Variants in IQGAP2 observed in about 807,000 individuals in gnomAD.
IQGAP2 encodes ras GTPase-activating-like protein IQGAP2.
A neutral mutation model predicts 201.3 loss-of-function variants in IQGAP2; 173 were observed. The observed-to-expected ratio is 0.86, with a 90% CI of 0.76 to 0.98. The LOEUF (loss-of-function observed/expected upper bound fraction) is 0.98. Ranked by LOEUF, IQGAP2 falls within the 50% of genes least tolerant of loss-of-function variation. The probability of loss-of-function intolerance (pLI) is 0.00; values close to 1 mark genes in which losing one functional copy is unlikely to be tolerated. For missense variants in IQGAP2, 1,687 were observed against 1,864.8 expected, an observed-to-expected ratio of 0.90 and a Z score of 1.76; for synonymous variants, 675 against 673.9, an observed-to-expected ratio of 1.00 and a Z score of -0.03.
chr5:76,640,885 C>T, intron 16 of IQGAP2, 48 bp from the exon 17 acceptor site: 2 of 1,359,836 alleles, frequency 1.5e-6, no homozygotes, highest in Non-Finnish European at 2.0e-6. Context: ...CTATGTGTGC[C>T]TTTCAGCTGA....
At chr5:76,609,186 G>A (rs1387464706) in intron 12 of IQGAP2, 20 of 1,535,784 alleles carry the variant, frequency 1.3e-5, no homozygotes, top group East Asian at 2.4e-5. Flanking sequence ...CCAGGTGATC[G>A]GCCTTGGTTC....
chr5:76,606,021 T>C (rs1057069511), intron 11 of IQGAP2, among the ~76,000 whole-genome samples, 158 bp from the exon 12 acceptor site: 1 of 152,224 alleles, frequency 6.6e-6, no homozygotes, highest in African/African-American at 2.4e-5. Flanking sequence ...GTAAGCCTGG[T>C]ATATGTTGAC....
In IQGAP2 at chr5:76,570,350, A is replaced by G. The variant is rs544013415; in HGVS notation, c.304-230A>G. On this transcript the variant is annotated intron_variant, in intron 3 of 35. Transcript: ENST00000274364. ...ACAGTCTTGGAGATTCTAGTTCAGA[A>G]TTTACCTCAAACGTGTGAATTATGG... Among the ~76,000 whole-genome samples, 5 of 152,298 alleles carry G rather than the reference A, an allele frequency of 3.3e-5. 1 individual carries two copies. The highest frequency in any genetic ancestry group is 9.6e-5 in the African/African-American group (4 of 41,560).
At chr5:76,501,883 TCCAC>T (rs1757301863) in intron 2 of IQGAP2, among the ~76,000 whole-genome samples, 2 of 152,030 alleles carry the variant, frequency 1.3e-5, no homozygotes, top group African/African-American at 4.8e-5. Flanking sequence ...CCTCAGGTGA[TCCAC>T]CCACCTCGGC....
chr5:76,460,484 C>T (rs940733892), intron 1 of IQGAP2, among the ~76,000 whole-genome samples: 15 of 151,992 alleles, frequency 9.9e-5, no homozygotes, highest in African/African-American at 2.7e-4. Flanking sequence ...ATAAGGAAGA[C>T]GCTTCTGTTG....
At position 76,677,247 on chromosome 5, in the gene IQGAP2, C is replaced by T. The variant is rs547104275; in HGVS notation, c.3557C>T (p.Pro1186Leu). Reference protein sequence around the residue: ...RKYFKEACNVPEPEEKFNMDK... With the variant: ...RKYFKEACNVLEPEEKFNMDK... ...TATTTCAAAGAAGCATGTAATGTCCCTGAGCCAGAAGAGAAGTTTAATATG... is the reference window on the plus strand; with the variant it reads ...TATTTCAAAGAAGCATGTAATGTCCTTGAGCCAGAAGAGAAGTTTAATATG... The change falls in exon 28 of 36, where the codon CCT becomes CTT. Residue 1186 changes from proline to leucine, a missense_variant. By Grantham distance (98) the Pro-to-Leu change is moderately conservative. Transcript: ENST00000274364. The T allele has an allele frequency of 1.9e-6, 3 of 1,613,490 alleles. No homozygotes were observed. The highest frequency in any genetic ancestry group is 3.3e-5 in the Admixed American group (2 of 59,984).
At chr5:76,540,033 A>G (rs943815052) in intron 2 of IQGAP2, among the ~76,000 whole-genome samples, 5 of 152,150 alleles carry the variant, frequency 3.3e-5, no homozygotes, top group African/African-American at 2.4e-5. Flanking sequence ...AGGGGTCTCC[A>G]TGGACATCAT....
At chr5:76,513,737 G>C (rs1348221147) in intron 2 of IQGAP2, among the ~76,000 whole-genome samples, 1 of 152,136 alleles carries the variant, frequency 6.6e-6, no homozygotes, top group East Asian at 1.9e-4. Context: ...GGAGCATGGA[G>C]GATTTTTAGG....
intron 9 of IQGAP2, among the ~76,000 whole-genome samples, chr5:76,595,341 A>C (rs995586027): frequency 1.7e-4 from 23 of 137,176 alleles, no homozygotes; most frequent in African/African-American, 6.4e-4. Flanking sequence ...CTCCTTCCTC[A>C]GCCTCCCAAA....
At position 76,689,699 on chromosome 5, in the gene IQGAP2, G is replaced by C. The variant is rs185398795; in HGVS notation, c.3906-3656G>C. Among the ~76,000 whole-genome samples the C allele has an allele frequency of 3.3e-3, 509 of 152,122 alleles. 3 individuals are homozygous for C. The highest frequency in any genetic ancestry group is 0.012 in the African/African-American group (492 of 41,494). ...AGCTGAAAGATTTCCTTGTTTTTTG[G>C]TCCAAACTAGCAGGAGCACTAAATG... is the stretch of plus-strand genomic sequence containing the variant. On this transcript the variant is annotated intron_variant, in intron 30 of 35. Transcript: ENST00000274364.
chr5:76,649,647 G>A (rs1275546206), intron 17 of IQGAP2, among the ~76,000 whole-genome samples: 2 of 152,152 alleles, frequency 1.3e-5, no homozygotes, highest in Non-Finnish European at 2.9e-5. Context: ...GCTTTTCCAG[G>A]CACGTGGTAC....
intron 1 of IQGAP2, 81 bp from the exon 2 acceptor site, chr5:76,461,489 T>C (rs946463094): frequency 1.2e-5 from 11 of 900,748 alleles, no homozygotes; most frequent in African/African-American, 3.3e-5. Flanking sequence ...CAGCTGCATA[T>C]GATTTTTTTC....
intron 11 of IQGAP2, among the ~76,000 whole-genome samples, chr5:76,603,075 C>T (rs1204102244): frequency 6.6e-6 from 1 of 152,208 alleles, no homozygotes; most frequent in Non-Finnish European, 1.5e-5. Context: ...TAAGAACAGA[C>T]TTCTCATTCT....
intron 30 of IQGAP2, among the ~76,000 whole-genome samples, chr5:76,690,487 G>A (rs768296286): frequency 1.4e-4 from 22 of 152,166 alleles, no homozygotes; most frequent in Non-Finnish European, 2.6e-4. Flanking sequence ...GTCTCTCTCC[G>A]GGCCACAGTC....
At chr5:76,481,823 C>G (rs773709152) in intron 2 of IQGAP2, among the ~76,000 whole-genome samples, 19 of 152,202 alleles carry the variant, frequency 1.2e-4, no homozygotes, top group Non-Finnish European at 1.8e-4. Flanking sequence ...TTACATGGGG[C>G]TAGAAGCTGC....
intron 33 of IQGAP2, 126 bp downstream of exon 33, chr5:76,698,273 T>A (rs914471551): frequency 6.6e-6 from 4 of 607,520 alleles, no homozygotes; most frequent in Non-Finnish European, 1.1e-5. Flanking sequence ...AACCGAAAAC[T>A]AGAGTCTCAG....
chr5:76,640,644 C>T (rs1353748294), intron 16 of IQGAP2, among the ~76,000 whole-genome samples: 2 of 152,172 alleles, frequency 1.3e-5, no homozygotes, highest in African/African-American at 4.8e-5. Context: ...GAGCTCAGGC[C>T]TCATGCCTGG....
intron 12 of IQGAP2, among the ~76,000 whole-genome samples, chr5:76,610,565 CA>C (rs10560903): frequency 0.13 from 18,770 of 143,714 alleles, 1,867 homozygotes; most frequent in East Asian, 0.46. Flanking sequence ...AAGAATCTCT[CA>C]AAAAAAAAAA....
At chr5:76,425,609 C>G (rs964945217) in intron 1 of IQGAP2, among the ~76,000 whole-genome samples, 25 of 151,856 alleles carry the variant, frequency 1.6e-4, no homozygotes, top group African/African-American at 6.0e-4. Context: ...TTCATTTTTC[C>G]CAGAGAGACT....
Sources: allele counts gnomAD v4.1 joint callset (sites outside exome capture counted in the v4.1 genomes callset), GRCh38; gene constraint gnomAD v4.1.1; transcripts MANE v1.5; gene names NCBI Gene and HGNC (gene_info 2026-07-23, HGNC 2026-07-21).